The following CAMK2D variants were observed in gnomAD, a reference collection of about 807,000 sequenced individuals.
CAMK2D encodes the protein calcium/calmodulin-dependent protein kinase type II subunit delta.
In CAMK2D, 37 loss-of-function variants were observed where a neutral mutation model predicts 84.0. That is an observed-to-expected ratio of 0.44 (90% CI 0.34 to 0.58). The LOEUF (loss-of-function observed/expected upper bound fraction) is 0.58, where lower values mean the gene tolerates loss of function less well. Ranked by LOEUF, CAMK2D falls within the 20% of genes least tolerant of loss-of-function variation. The probability of loss-of-function intolerance (pLI) is 0.02; values close to 1 mark genes in which losing one functional copy is unlikely to be tolerated. For synonymous variants in CAMK2D, 202 were observed against 212.5 expected (o/e 0.95, Z 0.43); for missense variants, 448 against 652.5 (o/e 0.69, Z 3.41).
At chr4:113,600,415 T>C (rs562801953) in intron 4 of CAMK2D, among the ~76,000 whole-genome samples, 5 of 152,294 alleles carry the variant, frequency 3.3e-5, no homozygotes, top group Admixed American at 1.3e-4. Context: ...TAAGGGTATA[T>C]GGAAACTTTC....
At chr4:113,487,547 ATTAAT>A (rs911076365) in intron 16 of CAMK2D, among the ~76,000 whole-genome samples, 16 of 152,198 alleles carry the variant, frequency 1.1e-4, no homozygotes, top group African/African-American at 2.9e-4. Flanking sequence ...GAGCTCAAAT[ATTAAT>A]TTAATTTTAG....
chr4:113,506,966 G>C (rs1038542779), intron 13 of CAMK2D, among the ~76,000 whole-genome samples: 6 of 151,518 alleles, frequency 4.0e-5, no homozygotes, highest in African/African-American at 1.5e-4. Flanking sequence ...ATCTCTTCCA[G>C]ATGAAGGCCA....
At chr4:113,629,593 G>A (rs1561469385) in intron 3 of CAMK2D, among the ~76,000 whole-genome samples, 1 of 151,826 alleles carries the variant, frequency 6.6e-6, no homozygotes, top group Non-Finnish European at 1.5e-5. Context: ...ACTATATTTA[G>A]TGGTCGTTAA....
chr4:113,737,876 G>T lies in CAMK2D; in HGVS notation c.160+21444C>A, dbSNP rs148620644. Among the ~76,000 whole-genome samples the T allele has an allele frequency of 1.7e-3, 263 of 152,142 alleles. 3 individuals are homozygous for T. In the East Asian group the frequency reaches 0.034, roughly 20 times the overall value. ...TCTAGTAAATGAGAATATGCATTGGGAAAGAGTGAAGAGCTCTCATCTGGG... is the reference window on the plus strand; with the variant it reads ...TCTAGTAAATGAGAATATGCATTGGTAAAGAGTGAAGAGCTCTCATCTGGG... On this transcript the variant is annotated intron_variant, in intron 2 of 20. Transcript: ENST00000511664.
intron 4 of CAMK2D, among the ~76,000 whole-genome samples, chr4:113,553,756 G>A (rs1029761720): frequency 2.6e-5 from 4 of 152,104 alleles, no homozygotes; most frequent in Admixed American, 2.6e-4. Context: ...TTACATGTAC[G>A]TAATTCCATT....
chr4:113,741,580 G>T (rs537178062), intron 2 of CAMK2D, among the ~76,000 whole-genome samples: 1 of 152,130 alleles, frequency 6.6e-6, no homozygotes, highest in Non-Finnish European at 1.5e-5. Context: ...GAGACAAGGG[G>T]AGACTACTAT....
intron 3 of CAMK2D, among the ~76,000 whole-genome samples, chr4:113,624,493 C>T (rs1224971795): frequency 6.6e-6 from 1 of 152,194 alleles, no homozygotes; most frequent in Non-Finnish European, 1.5e-5. Flanking sequence ...GAACGGTGGG[C>T]ATATTCCTTT....
intron 17 of CAMK2D, among the ~76,000 whole-genome samples, chr4:113,464,347 T>A (rs1381663257): frequency 2.6e-5 from 4 of 152,156 alleles, no homozygotes; most frequent in Non-Finnish European, 5.9e-5. Context: ...ATATAAAAAA[T>A]TAAATTTTGA....
intron 3 of CAMK2D, among the ~76,000 whole-genome samples, chr4:113,640,697 A>T (rs1429618026): frequency 6.6e-6 from 1 of 152,206 alleles, no homozygotes; most frequent in African/African-American, 2.4e-5. Flanking sequence ...CACATAGAAG[A>T]AGCCTGAAAG....
chr4:113,492,820 G>A (rs1445451663), intron 16 of CAMK2D, among the ~76,000 whole-genome samples: 1 of 140,688 alleles, frequency 7.1e-6, no homozygotes, highest in Non-Finnish European at 1.5e-5. Flanking sequence ...ATGAATCTGG[G>A]TGCTCCTGTA....
chr4:113,465,612 C>CA lies in CAMK2D; in HGVS notation c.1136-9dup. ...TAATCTCTTGCTTTCGTGCTAAAGG[C>CA]AAAAATATGGAGTTGGGTAAGAATA... is the stretch of plus-strand genomic sequence containing the variant. On this transcript the variant is annotated splice_polypyrimidine_tract_variant and intron_variant, in intron 16 of 20. Coordinates refer to ENST00000511664, the MANE Select transcript of CAMK2D (RefSeq NM_001321571.2). 1 of 1,567,914 alleles carries CA rather than the reference C, an allele frequency of 6.4e-7. No individual in the cohort carries two copies. Among genetic ancestry groups the CA allele is most frequent in the Non-Finnish European group, 8.8e-7 (1 of 1,140,140 alleles).
At chr4:113,549,113 C>T (rs1452425378) in intron 5 of CAMK2D, among the ~76,000 whole-genome samples, 1 of 152,084 alleles carries the variant, frequency 6.6e-6, no homozygotes, top group Non-Finnish European at 1.5e-5. Flanking sequence ...ATTTCTTATA[C>T]ACATCTAAAC....
At chr4:113,489,731 T>G (rs1433000204) in intron 16 of CAMK2D, among the ~76,000 whole-genome samples, 4 of 146,500 alleles carry the variant, frequency 2.7e-5, no homozygotes, top group African/African-American at 7.7e-5. Context: ...ACTTCCACAA[T>G]GGTTGAACTA....
chr4:113,583,912 C>A (rs1432938983), intron 4 of CAMK2D, among the ~76,000 whole-genome samples: 1 of 152,080 alleles, frequency 6.6e-6, no homozygotes, highest in Non-Finnish European at 1.5e-5. Flanking sequence ...GATTGAAATG[C>A]CTGAGTGAAG....
intron 2 of CAMK2D, among the ~76,000 whole-genome samples, chr4:113,663,087 C>T (rs916619022): frequency 2.0e-5 from 3 of 152,180 alleles, no homozygotes; most frequent in African/African-American, 7.2e-5. Context: ...TAGATACTCT[C>T]TGGACCTACC....
intron 2 of CAMK2D, among the ~76,000 whole-genome samples, chr4:113,667,440 C>T (rs2099261981): frequency 6.6e-6 from 1 of 152,170 alleles, no homozygotes; most frequent in Non-Finnish European, 1.5e-5. Flanking sequence ...AAGAAAGATG[C>T]ACTTTTTAGT....
chr4:113,607,152 C>A (rs1444056270), intron 4 of CAMK2D, among the ~76,000 whole-genome samples: 1 of 151,688 alleles, frequency 6.6e-6, no homozygotes, highest in Non-Finnish European at 1.5e-5. Context: ...AAAAAAAAAT[C>A]ATAAAAGAAG....
At chr4:113,662,670 C>T (rs1028093818) in intron 2 of CAMK2D, among the ~76,000 whole-genome samples, 2 of 152,162 alleles carry the variant, frequency 1.3e-5, no homozygotes, top group African/African-American at 2.4e-5. Flanking sequence ...ACCACTGCCT[C>T]GATTAATGCA....
rs573030166 is a variant in CAMK2D at position 113,747,716 on chromosome 4, TG to T, written c.160+11603del. On this transcript the variant is annotated intron_variant, in intron 2 of 20. Coordinates refer to ENST00000511664, the MANE Select transcript of CAMK2D (RefSeq NM_001321571.2). ...CCCCAAGGCTCACTAAAACAAAATA[TG>T]AGGTAGGTAAGAGGTTAATTATTCC... Among the ~76,000 whole-genome samples, 202 of 152,288 alleles carry T rather than the reference TG, an allele frequency of 1.3e-3. 1 individual carries two copies. Among genetic ancestry groups the T allele is most frequent in the African/African-American group, 4.6e-3 (192 of 41,584 alleles).
Sources: allele counts gnomAD v4.1 joint callset (sites outside exome capture counted in the v4.1 genomes callset), GRCh38; gene constraint gnomAD v4.1.1; transcripts MANE v1.5; gene names NCBI Gene and HGNC (gene_info 2026-07-23, HGNC 2026-07-21).